ASPA: variants seen among roughly 807,000 people sequenced by gnomAD.
The protein encoded by ASPA is aspartoacylase.
A neutral mutation model predicts 29.6 loss-of-function variants in ASPA; 25 were observed. The ratio of observed to expected loss-of-function variants is 0.85; its 90% CI spans 0.62 to 1.18. ASPA has a LOEUF of 1.18. ASPA is among the 50% of genes most tolerant of loss of function. The pLI, the probability that ASPA is intolerant of heterozygous loss-of-function variation, is 0.00. For missense variants in ASPA, 333 were observed against 385.7 expected, an observed-to-expected ratio of 0.86 and a Z score of 1.14; for synonymous variants, 131 against 130.3, an observed-to-expected ratio of 1.01 and a Z score of -0.04.
In ASPA at chr17:3,476,284, A is replaced by G; in HGVS notation, c.125A>G (p.Gln42Arg). ...TGGCTAGAGAATGGCGCTGAGATTC[A>G]GAGAACAGGGCTGGAGGTAAAACCA... ...KHWLENGAEI[Q>R]RTGLEVKPFI... is the part of the protein sequence containing the mutation. The change falls in exon 1 of 6, where the codon CAG becomes CGG. Residue 42 changes from glutamine (Q) to arginine (R), a missense_variant. Gln to Arg is a conservative substitution (Grantham distance 43, BLOSUM62 1). Transcript: ENST00000263080. The G allele has an allele frequency of 6.2e-7, 1 of 1,614,180 alleles. No individual in the cohort carries two copies. Among genetic ancestry groups the G allele is most frequent in the Non-Finnish European group, 8.5e-7 (1 of 1,180,020 alleles).
At position 3,485,428 on chromosome 17, in the gene ASPA, G is replaced by A. The variant is rs1025309394; in HGVS notation, c.526+1836G>A. 1.3e-5 allele frequency among the ~76,000 whole-genome samples: 2 copies of A among 152,112 alleles called. No individual in the cohort carries two copies. Among genetic ancestry groups the A allele is most frequent in the East Asian group, 1.9e-4 (1 of 5,196 alleles). Reference sequence around the variant, plus strand: ...AAAATACTAGCCAACCAGGAGAATCGCTTGAACCCCGGAGGTGGAGGTTGC... The same window carrying A: ...AAAATACTAGCCAACCAGGAGAATCACTTGAACCCCGGAGGTGGAGGTTGC... On this transcript the variant is annotated intron_variant, in intron 3 of 5. Transcript: ENST00000263080. This position sits in a 1 kb window ranked among gnomAD's most constrained non-coding sequence, Gnocchi z 4.4.
In ASPA at chr17:3,481,794, T is replaced by C. The variant is rs777936704; in HGVS notation, c.428T>C (p.Ile143Thr). ...TTTTTAATTCAGATGTTTCATTACATTAAGGTAATGTTAATGTTATTAATT... is the reference window on the plus strand; with the variant it reads ...TTTTTAATTCAGATGTTTCATTACACTAAGGTAATGTTAATGTTATTAATT... ...NNFLIQMFHY[I>T]KTSLAPLPCY... The change falls in exon 2 of 6, where the codon ATT becomes ACT. Residue 143 changes from isoleucine (I) to threonine (T), a missense_variant. Ile to Thr is a moderately conservative substitution (Grantham distance 89). Transcript: ENST00000263080. 1 of 1,599,902 alleles carries C rather than the reference T, an allele frequency of 6.3e-7. No homozygotes were observed. The highest frequency in any genetic ancestry group is 8.5e-7 in the Non-Finnish European group (1 of 1,170,202).
At chr17:3,482,665 A>G (rs1162195521) in intron 2 of ASPA, among the ~76,000 whole-genome samples, 1 of 152,240 alleles carries the variant, frequency 6.6e-6, no homozygotes, top group African/African-American at 2.4e-5. Context: ...TAAAACATTT[A>G]GCCTCATACC....
chr17:3,493,780 C>G (rs1021833653), intron 4 of ASPA, among the ~76,000 whole-genome samples: 2 of 152,034 alleles, frequency 1.3e-5, no homozygotes, highest in Non-Finnish European at 2.9e-5. Flanking sequence ...GATTAGAGCC[C>G]AGGTCTCCTG....
At chr17:3,494,177 G>A (rs907175709) in intron 4 of ASPA, among the ~76,000 whole-genome samples, 173 bp from the exon 5 acceptor site, 5 of 151,844 alleles carry the variant, frequency 3.3e-5, no homozygotes. Context: ...CCCAACCTGG[G>A]TATTTTTAGT....
chr17:3,494,490 AAAT>A (rs1335968460), intron 5 of ASPA, 31 bp downstream of exon 5: 1 of 1,524,836 alleles, frequency 6.6e-7, no homozygotes, highest in African/African-American at 1.4e-5. Context: ...AAAATGTTGA[AAAT>A]AATAATGCTG....
chr17:3,476,179 C>A lies in ASPA; in HGVS notation c.20C>A (p.Ala7Asp), dbSNP rs1173584413. 6.2e-7 allele frequency: 1 copy of A among 1,613,856 alleles called. No individual in the cohort carries two copies. Among genetic ancestry groups the A allele is most frequent in the Admixed American group, 1.7e-5 (1 of 60,022 alleles). ...GGTGAAATGACTTCTTGTCACATTG[C>A]TGAAGAACATATACAAAAGGTTGCT... Reference protein sequence around the residue: MTSCHIAEEHIQKVAIF... With the variant: MTSCHIDEEHIQKVAIF... The change falls in exon 1 of 6, where the codon GCT becomes GAT. Residue 7 changes from alanine (A) to aspartate (D), a missense_variant. Ala to Asp is a moderately radical substitution (Grantham distance 126). Transcript: ENST00000263080.
chr17:3,483,354 T>C (rs2073666792), intron 2 of ASPA, 145 bp from the exon 3 acceptor site: 10 of 707,282 alleles, frequency 1.4e-5, no homozygotes, highest in East Asian at 2.7e-5. Flanking sequence ...TATAATACCA[T>C]TGGGTTTTAA....
At chr17:3,496,039 C>T (rs1231307659) in intron 5 of ASPA, among the ~76,000 whole-genome samples, 1 of 152,150 alleles carries the variant, frequency 6.6e-6, no homozygotes, top group Admixed American at 6.5e-5. Context: ...AAAATAATCC[C>T]AGGCAGACGG....
intron 4 of ASPA, among the ~76,000 whole-genome samples, 180 bp downstream of exon 4, chr17:3,489,522 G>T (rs1054072139): frequency 6.6e-6 from 1 of 152,038 alleles, no homozygotes; most frequent in African/African-American, 2.4e-5. Flanking sequence ...GCCAAATAAA[G>T]ACTCCACATT....
At chr17:3,487,919 T>A (rs2073756687) in intron 3 of ASPA, among the ~76,000 whole-genome samples, 1 of 152,236 alleles carries the variant, frequency 6.6e-6, no homozygotes, top group Admixed American at 6.5e-5. Context: ...CATATTTGTG[T>A]AAGTCATTTA....
Position 3,501,300 on chromosome 17 carries a change from A to C in ASPA, c.*2212A>C, listed in dbSNP as rs1010036960. On this transcript the variant is annotated 3_prime_UTR_variant, in exon 6 of 6. Coordinates refer to ENST00000263080, the MANE Select transcript of ASPA (RefSeq NM_000049.4). ...ATTCCAGATGCCATTAAGAACATTC[A>C]GGATCCGTGGGAGGAGATCAAAATA... is the stretch of plus-strand genomic sequence containing the variant. The C allele has an allele frequency of 6.6e-6, 1 of 152,254 alleles. No homozygotes were observed. The highest frequency in any genetic ancestry group is 2.4e-5 in the African/African-American group (1 of 41,452). 9.4% of individuals were successfully genotyped at this position (152,254 alleles called of 1,614,324 possible).
Position 3,500,656 on chromosome 17 carries a change from C to G in ASPA, c.*1568C>G, listed in dbSNP as rs2073979001. 1 of 152,202 alleles carries G rather than the reference C, an allele frequency of 6.6e-6. No homozygotes were observed. Among genetic ancestry groups the G allele is most frequent in the African/African-American group, 2.4e-5 (1 of 41,400 alleles). 9.4% of individuals were successfully genotyped at this position (152,202 alleles called of 1,614,324 possible). ...TAGCTGAGATTACAGGTGCCTGCCA[C>G]CACGCCCGGCTAATTTTTTGCATTT... is the stretch of plus-strand genomic sequence containing the variant. On this transcript the variant is annotated 3_prime_UTR_variant, in exon 6 of 6. Transcript: ENST00000263080.
chr17:3,484,786 C>T (rs182297567), intron 3 of ASPA, among the ~76,000 whole-genome samples: 2 of 152,262 alleles, frequency 1.3e-5, no homozygotes, highest in East Asian at 3.9e-4. Flanking sequence ...ATTGGTGGAC[C>T]AGTCCCTGTC....
At chr17:3,481,878 AAC>A in intron 2 of ASPA, 80 bp downstream of exon 2, 3 of 1,319,400 alleles carry the variant, frequency 2.3e-6, no homozygotes, top group Non-Finnish European at 3.2e-6. Context: ...ACAATCAGAA[AAC>A]AGTTATGAGG....
upstream of ASPA, among the ~76,000 whole-genome samples, chr17:3,475,028 G>A (rs1243305825): frequency 6.6e-6 from 1 of 152,170 alleles, no homozygotes; most frequent in African/African-American, 2.4e-5. Flanking sequence ...AATAAACTGA[G>A]TGAAAGGACA....
chr17:3,497,937 G>A (rs1442111147), intron 5 of ASPA, among the ~76,000 whole-genome samples: 3 of 152,114 alleles, frequency 2.0e-5, no homozygotes, highest in Non-Finnish European at 4.4e-5. Flanking sequence ...CTGTTCTGGG[G>A]TTCCCGTGGT....
At position 3,498,963 on chromosome 17, in the gene ASPA, G is replaced by C; in HGVS notation, c.817G>C (p.Gly273Arg). 1 of 1,614,014 alleles carries C rather than the reference G, an allele frequency of 6.2e-7. No individual in the cohort carries two copies. The highest frequency in any genetic ancestry group is 8.5e-7 in the Non-Finnish European group (1 of 1,179,932). The change falls in exon 6 of 6, where the codon GGC (glycine) becomes CGC (arginine). Residue 273 changes from glycine to arginine, a missense_variant. Physicochemically the swap from Gly to Arg is moderately radical, Grantham distance 125. Coordinates refer to ENST00000263080, the MANE Select transcript of ASPA (RefSeq NM_000049.4). ...TCTTGATGGGAAGACGATCCCACTG[G>C]GCGGAGACTGTACCGTGTACCCCGT... ...LTLDGKTIPL[G>R]GDCTVYPVFV...
At chr17:3,498,769 C>T (rs1352921039) in intron 5 of ASPA, 122 bp from the exon 6 acceptor site, 1 of 1,000,254 alleles carries the variant, frequency 1.0e-6, no homozygotes, top group Non-Finnish European at 1.4e-6. Context: ...CTCAATGCCT[C>T]GCTCAAGTAT....
Sources: gnomAD v4.1 joint callset for allele counts (sites outside exome capture counted in the v4.1 genomes callset) on GRCh38, gnomAD v4.1.1 for gene constraint, Gnocchi (gnomAD v3.1) non-coding constraint, MANE v1.5 for transcripts, NCBI Gene and HGNC (gene_info 2026-07-23, HGNC 2026-07-21) for gene names.